MLF1: variants seen among roughly 807,000 people sequenced by gnomAD.
The protein encoded by MLF1 is myeloid leukemia factor 1, also known as myelodysplasia-myeloid leukemia factor 1.
A neutral mutation model predicts 38.3 loss-of-function variants in MLF1; 37 were observed. That is an observed-to-expected ratio of 0.96 (90% confidence interval 0.74 to 1.27). The LOEUF (loss-of-function observed/expected upper bound fraction) is 1.27, where lower values mean the gene tolerates loss of function less well. Among genes scored for constraint, MLF1 ranks in the 50% most tolerant of loss-of-function variants. The probability of loss-of-function intolerance (pLI) is 0.00; values close to 1 mark genes in which losing one functional copy is unlikely to be tolerated. For synonymous variants in MLF1, 95 were observed against 106.5 expected (o/e 0.89, Z 0.66); for missense variants, 331 against 349.2 (o/e 0.95, Z 0.42).
chr3:158,593,577 C>T (rs1718476162), intron 3 of MLF1, among the ~76,000 whole-genome samples, 151 bp downstream of exon 3: 1 of 152,140 alleles, frequency 6.6e-6, no homozygotes, highest in Non-Finnish European at 1.5e-5. Context: ...AAGTATCAGA[C>T]TTACCTTAGA....
intron 1 of MLF1, among the ~76,000 whole-genome samples, chr3:158,580,417 A>T (rs1167786770): frequency 6.6e-6 from 1 of 150,656 alleles, no homozygotes. Flanking sequence ...ACAAAAAACG[A>T]CTCCCTTTCT....
At chr3:158,602,228 A>G (rs2108656078) in intron 6 of MLF1, among the ~76,000 whole-genome samples, 1 of 152,292 alleles carries the variant, frequency 6.6e-6, no homozygotes, top group Non-Finnish European at 1.5e-5. Context: ...TGAGTATTTC[A>G]CAATAATCAA....
Position 158,593,407 on chromosome 3 carries a change from T to C in MLF1, c.221T>C (p.Phe74Ser). 6.4e-7 allele frequency: 1 copy of C among 1,562,080 alleles called. No individual in the cohort carries two copies. Among genetic ancestry groups the C allele is most frequent in the Non-Finnish European group, 8.6e-7 (1 of 1,160,262 alleles). ...GCAACGAGTTGTTCTCTTGTGCCTT[T>C]TGGCGATTTTGGTGGTATGGTTCGT... ...LTATSCSLVP[F>S]GDFGGMHTDV... The change falls in exon 3 of 8, where the codon TTT (phenylalanine) becomes TCT (serine). Residue 74 changes from phenylalanine (F) to serine (S), a missense_variant. Transcript: ENST00000466246.
At chr3:158,588,837 G>A in intron 1 of MLF1, 1 of 456,324 alleles carries the variant, frequency 2.2e-6, no homozygotes, top group South Asian at 1.6e-5. Context: ...CTCATTTGAG[G>A]ATGTTGTTTC....
chr3:158,584,965 G>A (rs1576657292), intron 1 of MLF1, among the ~76,000 whole-genome samples: 1 of 148,882 alleles, frequency 6.7e-6, no homozygotes, highest in African/African-American at 2.5e-5. Context: ...TTGAGCCTGG[G>A]TGTTTAAGGT....
intron 5 of MLF1, among the ~76,000 whole-genome samples, chr3:158,598,922 A>C (rs1275163639): frequency 1.3e-5 from 2 of 152,200 alleles, no homozygotes; most frequent in African/African-American, 4.8e-5. Flanking sequence ...AAAGGGTATC[A>C]TATTGCATAT....
At chr3:158,575,845 A>C (rs1715343872) in intron 1 of MLF1, among the ~76,000 whole-genome samples, 1 of 152,150 alleles carries the variant, frequency 6.6e-6, no homozygotes. Context: ...GATTTTCTAA[A>C]TAGTCCATTA....
chr3:158,601,967 C>T (rs539892184), intron 6 of MLF1, among the ~76,000 whole-genome samples: 95 of 151,902 alleles, frequency 6.3e-4, no homozygotes, highest in African/African-American at 2.2e-3. Flanking sequence ...CAGGTGCCCG[C>T]CACCATGCCT....
In MLF1 at chr3:158,600,140, G is replaced by C. The variant is rs1719525338; in HGVS notation, c.580G>C (p.Glu194Gln). 6.8e-7 allele frequency: 1 copy of C among 1,466,170 alleles called. No homozygotes were observed. The highest frequency in any genetic ancestry group is 9.1e-7 in the Non-Finnish European group (1 of 1,102,632). 90.8% of individuals were successfully genotyped at this position (1,466,170 alleles called of 1,614,324 possible). A position where few individuals can be genotyped will look rare whatever the true frequency, so the allele number is the denominator to read the frequency against. Residue 194 changes from glutamate (E) to glutamine (Q), a missense_variant, in exon 6 of 8, where the codon GAG becomes CAG. Glu to Gln is a conservative substitution (Grantham distance 29). Coordinates refer to ENST00000466246, the MANE Select transcript of MLF1 (RefSeq NM_001369783.1). ...KSKNKKTGDE[E>Q]VNQEFINMNE... The stretch of plus-strand genomic sequence containing the variant: ...AAAGAACAAGAAGACTGGAGATGAA[G>C]AGGTCAACCAGGAGTTCATCAATAT...
rs1553830589 is a variant in MLF1 at position 158,574,523 on chromosome 3, A to AAAAAAAAAAAAAAAC, written c.47+3180_47+3181insAAAAAAAAAACAAAA. On this transcript the variant is annotated intron_variant, in intron 1 of 7. Transcript: ENST00000466246. Reference sequence around the variant, plus strand: ...TCTGTACTAAAAAAAAAAAAAAAAAAAAAATACAAAATTAGCCAGGCATGG... The same window carrying AAAAAAAAAAAAAAAC: ...TCTGTACTAAAAAAAAAAAAAAAAAAAAAAAAAAAAAAAACAAAATACAAAATTAGCCAGGCATGG... 4.3e-5 allele frequency among the ~76,000 whole-genome samples: 5 copies of AAAAAAAAAAAAAAAC among 115,694 alleles called. 1 individual carries two copies. The highest frequency in any genetic ancestry group is 1.5e-4 in the African/African-American group (5 of 33,912). 75.9% of individuals were successfully genotyped at this position (115,694 alleles called of 152,430 possible).
chr3:158,586,270 A>C (rs537209311), intron 1 of MLF1, among the ~76,000 whole-genome samples: 1 of 152,108 alleles, frequency 6.6e-6, no homozygotes, highest in Non-Finnish European at 1.5e-5. Flanking sequence ...ACATTAAAAA[A>C]ATATATATAA....
At position 158,592,510 on chromosome 3, in the gene MLF1, C is replaced by T; in HGVS notation, c.124C>T (p.Leu42Phe). 6.2e-7 allele frequency: 1 copy of T among 1,612,034 alleles called. No individual in the cohort carries two copies. Among genetic ancestry groups the T allele is most frequent in the Non-Finnish European group, 8.5e-7 (1 of 1,179,162 alleles). ...SFSEPFGRDL[L>F]SISDGRGRAH... is the part of the protein sequence containing the mutation. ...TTCTGAACCCTTTGGAAGAGACTTGCTCAGTATCTCTGATGGTAGAGGGAG... is the reference window on the plus strand; with the variant it reads ...TTCTGAACCCTTTGGAAGAGACTTGTTCAGTATCTCTGATGGTAGAGGGAG... The change falls in exon 2 of 8, where the codon CTC (leucine) becomes TTC (phenylalanine). Residue 42 changes from leucine (L) to phenylalanine (F), a missense_variant. By Grantham distance (22) the Leu-to-Phe change is conservative. Coordinates refer to ENST00000466246, the MANE Select transcript of MLF1 (RefSeq NM_001369783.1).
chr3:158,593,334 C>A, intron 2 of MLF1, 48 bp from the exon 3 acceptor site: 1 of 1,382,610 alleles, frequency 7.2e-7, no homozygotes, highest in South Asian at 1.4e-5. Flanking sequence ...TGAGAAACTT[C>A]TATATAATAA....
intron 6 of MLF1, among the ~76,000 whole-genome samples, chr3:158,600,428 T>C (rs2364273): frequency 0.22 from 27,252 of 126,186 alleles, 2,811 homozygotes; most frequent in African/African-American, 0.34. Context: ...AATTGTTATT[T>C]AGTAATATCA....
Position 158,592,595 on chromosome 3 carries a change from T to C in MLF1, c.195+14T>C. The C allele has an allele frequency of 1.3e-6, 2 of 1,576,596 alleles. No individual in the cohort carries two copies. Among genetic ancestry groups the C allele is most frequent in the Non-Finnish European group, 1.7e-6 (2 of 1,166,198 alleles). Reference sequence around the variant, plus strand: ...GATTCTTTGACTGTAAGTTCTTTTTTTTAAGACAGTTAGTGAGAAGGCCCT... The same window carrying C: ...GATTCTTTGACTGTAAGTTCTTTTTCTTAAGACAGTTAGTGAGAAGGCCCT... On this transcript the variant is annotated intron_variant, in intron 2 of 7. Transcript: ENST00000466246.
At chr3:158,574,670 G>T (rs1438526353) in intron 1 of MLF1, among the ~76,000 whole-genome samples, 1 of 134,298 alleles carries the variant, frequency 7.4e-6, no homozygotes, top group African/African-American at 3.0e-5. Context: ...GGCAACAAGA[G>T]TGAAACACTG....
Position 158,592,477 on chromosome 3 carries a change from A to G in MLF1, c.91A>G (p.Arg31Gly). Reference sequence around the variant, plus strand: ...CCGAGAAAATATGCGACAGATGATAAGAAGTTTTTCTGAACCCTTTGGAAG... The same window carrying G: ...CCGAGAAAATATGCGACAGATGATAGGAAGTTTTTCTGAACCCTTTGGAAG... The part of the protein sequence containing the change: ...AHRENMRQMI[R>G]SFSEPFGRDL... Residue 31 changes from arginine (R) to glycine (G), a missense_variant, in exon 2 of 8, where the codon AGA becomes GGA. By Grantham distance (125) the Arg-to-Gly change is moderately radical. Coordinates refer to ENST00000466246, the MANE Select transcript of MLF1 (RefSeq NM_001369783.1). The G allele has an allele frequency of 6.2e-7, 1 of 1,611,860 alleles. No homozygotes were observed. The highest frequency in any genetic ancestry group is 8.5e-7 in the Non-Finnish European group (1 of 1,179,234).
chr3:158,596,810 A>T, intron 3 of MLF1, 52 bp from the exon 4 acceptor site: 2 of 1,192,254 alleles, frequency 1.7e-6, no homozygotes, highest in Non-Finnish European at 2.4e-6. Flanking sequence ...ATGTATTTGC[A>T]TCTTTTGTGT....
Position 158,587,905 on chromosome 3 carries a change from G to A in MLF1, c.48-4529G>A, listed in dbSNP as rs528650442. Among the ~76,000 whole-genome samples the A allele has an allele frequency of 2.5e-4, 38 of 152,340 alleles. No homozygotes were observed. The South Asian group carries it at 2.9e-3, about 12-fold the overall frequency. ...AGTCCCAGCTGCTGGGGAGGCTGAG[G>A]CAGGAGAATGGCATGAACCTGGGAG... On this transcript the variant is annotated intron_variant, in intron 1 of 7. Coordinates refer to ENST00000466246, the MANE Select transcript of MLF1 (RefSeq NM_001369783.1).
Sources: gnomAD v4.1 joint callset for allele counts (sites outside exome capture counted in the v4.1 genomes callset) on GRCh38, gnomAD v4.1.1 for gene constraint, MANE v1.5 for transcripts, NCBI Gene and HGNC (gene_info 2026-07-23, HGNC 2026-07-21) for gene names.